MMP7: variants seen among roughly 807,000 people sequenced by gnomAD.
The protein encoded by MMP7 is matrix metallopeptidase 7.
MMP7 carries 26 observed loss-of-function variants against 31.5 expected under a neutral mutation model. That is an observed-to-expected ratio of 0.83 (90% CI 0.61 to 1.15). The LOEUF (loss-of-function observed/expected upper bound fraction) is 1.15, where lower values mean the gene tolerates loss of function less well. Ranked by LOEUF, MMP7 falls within the 50% of genes most tolerant of loss-of-function variation. MMP7 has a pLI of 0.00. For missense variants in MMP7, 367 were observed against 326.5 expected (o/e 1.12, Z -0.96); for synonymous variants, 142 against 124.2 (o/e 1.14, Z -0.95).
Position 102,525,096 on chromosome 11 carries a change from A to T in MMP7, c.485-32T>A, listed in dbSNP as rs1354545312. The T allele has an allele frequency of 1.3e-6, 2 of 1,567,544 alleles. 1 individual carries two copies. The highest frequency in any genetic ancestry group is 2.4e-5 in the South Asian group (2 of 84,408). On this transcript the variant is annotated intron_variant, in intron 3 of 5. Coordinates refer to ENST00000260227, the MANE Select transcript of MMP7 (RefSeq NM_002423.5). ...GAAAATGGAGTGATTGTTCTTAGTG[A>T]CTGATTTTTTTTTTCTCCAGTCATT...
chr11:102,527,017 G>A (rs1565376076), intron 3 of MMP7: 1 of 169,050 alleles, frequency 5.9e-6, no homozygotes, highest in Admixed American at 5.7e-5. Flanking sequence ...GTTTGTGTAA[G>A]TGTATTCTAT....
Position 102,527,686 on chromosome 11 carries a change from A to G in MMP7, c.336-14T>C, listed in dbSNP as rs974850319. 5 of 1,611,078 alleles carry G rather than the reference A, an allele frequency of 3.1e-6. No homozygotes were observed. The highest frequency in any genetic ancestry group is 4.2e-6 in the Non-Finnish European group (5 of 1,178,102). ...TATGATACGATCCTAGTAGCAAACA[A>G]GAAAACAATGTTTGACCCCTAGGAA... On this transcript the variant is annotated splice_polypyrimidine_tract_variant and intron_variant, in intron 2 of 5. Transcript: ENST00000260227.
At chr11:102,524,837 G>A (rs1858650270) in intron 4 of MMP7, 99 bp downstream of exon 4, 1 of 1,344,412 alleles carries the variant, frequency 7.4e-7, no homozygotes, top group Non-Finnish European at 9.8e-7. Context: ...CACTTAGCAA[G>A]GGCTCAATAC....
rs952353634 is a variant in MMP7 at position 102,528,109 on chromosome 11, A to G, written c.109-126T>C. The G allele has an allele frequency of 1.1e-5, 8 of 711,792 alleles. 1 individual carries two copies. In the South Asian group the frequency reaches 1.6e-4, roughly 14 times the overall value. 44.1% of individuals were successfully genotyped at this position (711,792 alleles called of 1,614,324 possible). On this transcript the variant is annotated intron_variant, in intron 1 of 5. Transcript: ENST00000260227. ...AATGATTTGAAGACAGAATAATTAC[A>G]TAGTCACAGAGAAAAATAAGTGTGC... is the stretch of plus-strand genomic sequence containing the variant.
In MMP7 at chr11:102,520,517, C is replaced by T. The variant is rs1858600379; in HGVS notation, c.*259G>A. ...TGCTCCAAACTATAAATAAATTTACCATGGAATAAACATTTTATTTATTTG... is the reference window on the plus strand; with the variant it reads ...TGCTCCAAACTATAAATAAATTTACTATGGAATAAACATTTTATTTATTTG... On this transcript the variant is annotated 3_prime_UTR_variant, in exon 6 of 6. Transcript: ENST00000260227. 2 of 339,376 alleles carry T rather than the reference C, an allele frequency of 5.9e-6. No individual in the cohort carries two copies. Among genetic ancestry groups the T allele is most frequent in the African/African-American group, 2.1e-5 (1 of 47,498 alleles). 21.0% of individuals were successfully genotyped at this position (339,376 alleles called of 1,614,324 possible). A position where few individuals can be genotyped will look rare whatever the true frequency, so the allele number is the denominator to read the frequency against.
intron 3 of MMP7, among the ~76,000 whole-genome samples, chr11:102,525,935 T>C (rs962573689): frequency 6.6e-6 from 1 of 152,020 alleles, no homozygotes; most frequent in Admixed American, 6.6e-5. Flanking sequence ...TTTATCTAGC[T>C]CTTAAAAAAC....
chr11:102,530,189 C>G (rs999643432), intron 1 of MMP7, among the ~76,000 whole-genome samples: 1 of 152,040 alleles, frequency 6.6e-6, no homozygotes, highest in African/African-American at 2.4e-5. Context: ...ATTCTGTATA[C>G]TATAGAAAAA....
chr11:102,522,646 AC>A (rs1858625613), intron 5 of MMP7, among the ~76,000 whole-genome samples: 1 of 152,180 alleles, frequency 6.6e-6, no homozygotes, highest in Non-Finnish European at 1.5e-5. Flanking sequence ...CTCAAATACT[AC>A]TTTTGGCTGA....
At position 102,520,792 on chromosome 11, in the gene MMP7, T is replaced by C. The variant is rs1349532421; in HGVS notation, c.788A>G (p.Asn263Ser). Reference protein sequence around the residue: ...GIQKLYGKRSNSRKK With the variant: ...GIQKLYGKRSSSRKK Reference sequence around the variant, plus strand: ...CTGAAGTTTCTATTTCTTTCTTGAATTACTTCTCTTTCCTATTGAGAGAAA... The same window carrying C: ...CTGAAGTTTCTATTTCTTTCTTGAACTACTTCTCTTTCCTATTGAGAGAAA... Residue 263 changes from asparagine (N) to serine (S), a missense_variant, in exon 6 of 6, where the codon AAT (asparagine) becomes AGT (serine). Physicochemically the swap from Asn to Ser is conservative, Grantham distance 46 (BLOSUM62 1). Transcript: ENST00000260227. The C allele has an allele frequency of 3.8e-6, 6 of 1,568,850 alleles. No individual in the cohort carries two copies. The highest frequency in any genetic ancestry group is 5.2e-6 in the Non-Finnish European group (6 of 1,150,964).
At chr11:102,528,187 G>T (rs769671533) in intron 1 of MMP7, among the ~76,000 whole-genome samples, 7 of 152,132 alleles carry the variant, frequency 4.6e-5, no homozygotes, top group African/African-American at 1.7e-4. Flanking sequence ...GTGCCATTTC[G>T]TGAGCAAAAG....
chr11:102,524,645 G>A (rs1858647862), intron 4 of MMP7: 2 of 195,134 alleles, frequency 1.0e-5, no homozygotes, highest in Non-Finnish European at 2.1e-5. Context: ...ATTCCACAGA[G>A]GAGGAAACTG....
At chr11:102,523,642 T>C (rs568471586) in intron 4 of MMP7, among the ~76,000 whole-genome samples, 1 of 152,212 alleles carries the variant, frequency 6.6e-6, no homozygotes, top group African/African-American at 2.4e-5. Context: ...ATTTTTTTTA[T>C]TTGCTTCTTT....
At position 102,520,800 on chromosome 11, in the gene MMP7, C is replaced by A; in HGVS notation, c.780G>T (p.Lys260Asn). Residue 260 changes from lysine to asparagine, a missense_variant, in exon 6 of 6, where the codon AAG becomes AAT. Transcript: ENST00000260227. Reference sequence around the variant, plus strand: ...TCTATTTCTTTCTTGAATTACTTCTCTTTCCTATTGAGAGAAAAAAAAAGA... The same window carrying A: ...TCTATTTCTTTCTTGAATTACTTCTATTTCCTATTGAGAGAAAAAAAAAGA... ...DIKGIQKLYG[K>N]RSNSRKK 6.4e-7 allele frequency: 1 copy of A among 1,564,788 alleles called. No homozygotes were observed.
In MMP7 at chr11:102,520,632, T is replaced by C; in HGVS notation, c.*144A>G. 3 of 604,962 alleles carry C rather than the reference T, an allele frequency of 5.0e-6. No individual in the cohort carries two copies. The highest frequency in any genetic ancestry group is 8.5e-6 in the Non-Finnish European group (3 of 350,964). The allele number at this position is 604,962 out of a possible 1,614,324, so 37.5% of individuals were successfully genotyped here. A position where few individuals can be genotyped will look rare whatever the true frequency, so the allele number is the denominator to read the frequency against. On this transcript the variant is annotated 3_prime_UTR_variant, in exon 6 of 6. Coordinates refer to ENST00000260227, the MANE Select transcript of MMP7 (RefSeq NM_002423.5). ...TAAAGGAGTTTATCCTTAAAAGGAG[T>C]GAAAGACATTCAAAAACCAACTGCA... is the stretch of plus-strand genomic sequence containing the variant.
At chr11:102,524,457 T>TA (rs1171465227) in intron 4 of MMP7, 1 of 152,280 alleles carries the variant, frequency 6.6e-6, no homozygotes, top group Non-Finnish European at 1.5e-5. Context: ...CAGAATTGCA[T>TA]ATACTTCTCA....
chr11:102,527,541 A>G lies in MMP7; in HGVS notation c.467T>C (p.Ile156Thr), dbSNP rs779256501. Residue 156 changes from isoleucine (I) to threonine (T), a missense_variant, in exon 3 of 6, where the codon ATT becomes ACT. Ile to Thr is a moderately conservative substitution (Grantham distance 89). Coordinates refer to ENST00000260227, the MANE Select transcript of MMP7 (RefSeq NM_002423.5). ...KVVWGTADIM[I>T]GFARGAHGDS... ...TTTCTTACCTCCTCGCGCAAAGCCA[A>G]TCATGATGTCAGCAGTTCCCCATAC... The G allele has an allele frequency of 6.2e-7, 1 of 1,614,224 alleles. No individual in the cohort carries two copies. Among genetic ancestry groups the G allele is most frequent in the East Asian group, 2.2e-5 (1 of 44,888 alleles).
Position 102,523,245 on chromosome 11 carries a change from A to G in MMP7, c.770T>C (p.Leu257Pro). ...SQDDIKGIQK[L>P]YGKRSNSRKK ...TTTGAAATAATAAATATTACCATAT[A>G]GTTTCTGAATGCCTTTAATATCATC... The change falls in exon 5 of 6, where the codon CTA becomes CCA. Residue 257 changes from leucine (L) to proline (P), a missense_variant. Physicochemically the swap from Leu to Pro is moderately conservative, Grantham distance 98. Coordinates refer to ENST00000260227, the MANE Select transcript of MMP7 (RefSeq NM_002423.5). 1.3e-6 allele frequency: 2 copies of G among 1,598,416 alleles called. No homozygotes were observed. The highest frequency in any genetic ancestry group is 1.7e-6 in the Non-Finnish European group (2 of 1,170,206).
intron 3 of MMP7, among the ~76,000 whole-genome samples, chr11:102,526,428 G>A (rs1052065672): frequency 6.6e-6 from 1 of 151,816 alleles, no homozygotes; most frequent in Admixed American, 6.6e-5. Context: ...GTAGAGATGG[G>A]GTTTCACCCT....
chr11:102,530,478 AC>A (rs1290674546), intron 1 of MMP7, 114 bp downstream of exon 1: 2 of 819,642 alleles, frequency 2.4e-6, no homozygotes, highest in Admixed American at 4.1e-5. Flanking sequence ...CCGAAGAACC[AC>A]CCCAAAGAAA....
Sources: gnomAD v4.1 joint callset for allele counts (sites outside exome capture counted in the v4.1 genomes callset) on GRCh38, gnomAD v4.1.1 for gene constraint, MANE v1.5 for transcripts, NCBI Gene and HGNC (gene_info 2026-07-23, HGNC 2026-07-21) for gene names.